Variants in TLN2 observed in about 807,000 individuals in gnomAD.
TLN2 encodes the protein talin 2.
TLN2 carries 118 observed loss-of-function variants against 294.7 expected under a neutral mutation model. That is an observed-to-expected ratio of 0.40 (90% CI 0.34 to 0.47). The LOEUF is 0.47. TLN2 is among the 20% of genes least tolerant of loss of function. TLN2 has a pLI of 0.84. For missense variants in TLN2, 3,083 were observed against 3,282.2 expected, an observed-to-expected ratio of 0.94 and a Z score of 1.48; for synonymous variants, 1,431 against 1,304.5, an observed-to-expected ratio of 1.10 and a Z score of -2.09.
In TLN2 at chr15:62,415,631, C is replaced by T. The variant is rs536398623; in HGVS notation, c.-238+24946C>T. 2.4e-4 allele frequency among the ~76,000 whole-genome samples: 37 copies of T among 152,364 alleles called. No individual in the cohort carries two copies. In the South Asian group the frequency reaches 2.9e-3, roughly 12 times the overall value. ...CAGCAGCCCAACAAAACAGGAGTCC[C>T]GCTCTGCTGGGGTGACCCAAAGGAA... On this transcript the variant is annotated intron_variant, in intron 1 of 58. Coordinates refer to ENST00000636159, the MANE Select transcript of TLN2 (RefSeq NM_015059.3).
rs150935340 is a variant in TLN2, at chr15:62,805,759, G to A, written c.6637G>A (p.Val2213Met). ...TACTGCCAACCTGAGCCGGAAAGCC[G>A]TGTCAGATATGTTGACGGCTTGCAA... ...IATANLSRKA[V>M]SDMLTACKQA... Residue 2213 changes from valine to methionine, a missense_variant, in exon 51 of 59, where the codon GTG becomes ATG. Val to Met is a conservative substitution (Grantham distance 21). Transcript: ENST00000636159. The A allele has an allele frequency of 2.3e-4, 370 of 1,613,846 alleles. No homozygotes were observed. Among genetic ancestry groups the A allele is most frequent in the Non-Finnish European group, 2.8e-4 (335 of 1,179,912 alleles).
chr15:62,586,724 A>G (rs1177271090), intron 1 of TLN2, among the ~76,000 whole-genome samples: 1 of 152,244 alleles, frequency 6.6e-6, no homozygotes, highest in African/African-American at 2.4e-5. Context: ...ACCACAAGAA[A>G]TGGCCCATCT....
intron 42 of TLN2, among the ~76,000 whole-genome samples, chr15:62,776,541 T>G (rs1328064483): frequency 1.3e-5 from 2 of 152,258 alleles, no homozygotes; most frequent in African/African-American, 4.8e-5. Flanking sequence ...ATTGCAGTTT[T>G]ATTTTTCCCT....
At chr15:62,828,559 A>G (rs1274313241) in intron 54 of TLN2, 2 of 152,236 alleles carry the variant, frequency 1.3e-5, no homozygotes, top group Non-Finnish European at 2.9e-5. Context: ...ATGCATGACT[A>G]AATGTCACAA....
intron 2 of TLN2, among the ~76,000 whole-genome samples, chr15:62,601,611 C>T (rs1399591697): frequency 6.6e-6 from 1 of 152,218 alleles, no homozygotes; most frequent in Non-Finnish European, 1.5e-5. Context: ...GCCTATATCT[C>T]TTAATTCATT....
At chr15:62,404,494 T>A (rs2033255890) in intron 1 of TLN2, among the ~76,000 whole-genome samples, 1 of 152,154 alleles carries the variant, frequency 6.6e-6, no homozygotes, top group African/African-American at 2.4e-5. Context: ...GGGAGTTCAG[T>A]GGGCCCTCTC....
intron 1 of TLN2, among the ~76,000 whole-genome samples, chr15:62,431,185 C>T (rs1283606860): frequency 5.3e-5 from 8 of 152,078 alleles, no homozygotes; most frequent in Non-Finnish European, 4.4e-5. Flanking sequence ...ACCATAGTGT[C>T]CCCAGTCCTT....
chr15:62,525,941 C>T (rs1484542403), intron 1 of TLN2, among the ~76,000 whole-genome samples: 1 of 152,092 alleles, frequency 6.6e-6, no homozygotes, highest in Non-Finnish European at 1.5e-5. Context: ...AGAACTGCTG[C>T]AAGGGAAGCT....
chr15:62,801,915 T>C (rs2065952098), intron 50 of TLN2, among the ~76,000 whole-genome samples: 1 of 152,262 alleles, frequency 6.6e-6, no homozygotes, highest in South Asian at 2.1e-4. Context: ...CACATCAGGA[T>C]AATTGGGGTA....
intron 4 of TLN2, among the ~76,000 whole-genome samples, 180 bp downstream of exon 4, chr15:62,647,626 A>G (rs573866070): frequency 6.6e-6 from 1 of 152,364 alleles, no homozygotes; most frequent in East Asian, 1.9e-4. Context: ...TACAGTGACC[A>G]TGCCCACTGC....
At chr15:62,610,371 C>A (rs1184502796) in intron 2 of TLN2, among the ~76,000 whole-genome samples, 3 of 152,218 alleles carry the variant, frequency 2.0e-5, no homozygotes, top group African/African-American at 7.2e-5. Context: ...CCAGTCAGTA[C>A]ATAACCTTGT....
At chr15:62,667,249 A>AG (rs1307602684) in intron 9 of TLN2, among the ~76,000 whole-genome samples, 2 of 152,148 alleles carry the variant, frequency 1.3e-5, no homozygotes, top group East Asian at 1.9e-4. Flanking sequence ...TACAGGCGTG[A>AG]GCCACCGTGC....
intron 37 of TLN2, among the ~76,000 whole-genome samples, chr15:62,758,180 G>C (rs982725474): frequency 2.0e-5 from 3 of 152,146 alleles, no homozygotes; most frequent in African/African-American, 7.2e-5. Flanking sequence ...GAGCCACCAA[G>C]AGAAGCACGA....
At chr15:62,743,019 A>G (rs2061425458) in intron 32 of TLN2, among the ~76,000 whole-genome samples, 1 of 152,202 alleles carries the variant, frequency 6.6e-6, no homozygotes, top group South Asian at 2.1e-4. Context: ...TGAATAAGAC[A>G]GGGCCTGTCT....
intron 1 of TLN2, among the ~76,000 whole-genome samples, chr15:62,465,162 G>A (rs1271239242): frequency 8.0e-6 from 1 of 124,430 alleles, no homozygotes; most frequent in Non-Finnish European, 1.6e-5. Flanking sequence ...AATATGCTAA[G>A]CCCTTTAGTT....
intron 1 of TLN2, among the ~76,000 whole-genome samples, chr15:62,582,195 TACACAC>T (rs67748452): frequency 0.11 from 6,989 of 66,228 alleles, 260 homozygotes; most frequent in Middle Eastern, 0.15. Context: ...TGTGTATGCA[TACACAC>T]ACACACACAC....
rs1310791489 is a variant in TLN2, at chr15:62,762,300, T to A, written c.4808T>A (p.Val1603Asp). 2 of 1,614,056 alleles carry A rather than the reference T, an allele frequency of 1.2e-6. No individual in the cohort carries two copies. Among genetic ancestry groups the A allele is most frequent in the East Asian group, 4.5e-5 (2 of 44,890 alleles). The change falls in exon 39 of 59, where the codon GTC (valine) becomes GAC (aspartate). Residue 1603 changes from valine to aspartate, a missense_variant. Physicochemically the swap from Val to Asp is radical, Grantham distance 152 (BLOSUM62 -3). Transcript: ENST00000636159. ...EGSQAQEPILVSAKTMLESSS... is the reference protein window; with the variant it reads ...EGSQAQEPILDSAKTMLESSS... ...TCCCAGGCACAGGAACCAATCCTGG[T>A]CTCAGCCAAGACCATGCTGGAGAGT...
intron 54 of TLN2, among the ~76,000 whole-genome samples, chr15:62,821,970 CT>C (rs1164507178): frequency 6.6e-6 from 1 of 152,202 alleles, no homozygotes; most frequent in East Asian, 1.9e-4. Context: ...GATGGCCTTT[CT>C]TGGGGAGGGC....
chr15:62,625,977 C>T (rs1199778899), intron 3 of TLN2, among the ~76,000 whole-genome samples: 3 of 152,142 alleles, frequency 2.0e-5, no homozygotes, highest in African/African-American at 4.8e-5. Flanking sequence ...GAAATCTGTC[C>T]TCAAACACTA....
Sources: gnomAD v4.1 joint callset for allele counts (sites outside exome capture counted in the v4.1 genomes callset) on GRCh38, gnomAD v4.1.1 for gene constraint, MANE v1.5 for transcripts, NCBI Gene and HGNC (gene_info 2026-07-23, HGNC 2026-07-21) for gene names.